The following SLC47A1 variants were observed in gnomAD, a reference collection of about 807,000 sequenced individuals.
SLC47A1 encodes multidrug and toxin extrusion protein 1.
SLC47A1 carries 58 observed loss-of-function variants against 65.8 expected under a neutral mutation model. The observed-to-expected ratio is 0.88, with a 90% CI of 0.71 to 1.10. The LOEUF is 1.10. Ranked by LOEUF, SLC47A1 falls within the 50% of genes least tolerant of loss-of-function variation. The pLI, the probability that SLC47A1 is intolerant of heterozygous loss-of-function variation, is 0.00. For missense variants in SLC47A1, 706 were observed against 719.2 expected (o/e 0.98, Z 0.21); for synonymous variants, 285 against 295.0 (o/e 0.97, Z 0.35).
chr17:19,571,705 T>C, intron 15 of SLC47A1, 133 bp downstream of exon 15: 1 of 671,932 alleles, frequency 1.5e-6, no homozygotes, highest in South Asian at 2.1e-5. Flanking sequence ...ACTATTGTTC[T>C]TGTTGTTTTA....
intron 1 of SLC47A1, 76 bp downstream of exon 1, chr17:19,534,150 T>C: frequency 2.8e-6 from 4 of 1,409,646 alleles, no homozygotes; most frequent in Non-Finnish European, 3.7e-6. Flanking sequence ...CGCGGGTGAC[T>C]TTGGCGGGCT....
At chr17:19,541,260 C>T (rs559762188) in intron 1 of SLC47A1, among the ~76,000 whole-genome samples, 3 of 152,314 alleles carry the variant, frequency 2.0e-5, no homozygotes, top group East Asian at 1.9e-4. Context: ...GGGGCAGATG[C>T]AGGCAGCGGC....
chr17:19,572,744 A>G (rs1168870846), intron 15 of SLC47A1, 36 bp from the exon 16 acceptor site: 3 of 1,595,692 alleles, frequency 1.9e-6, no homozygotes, highest in African/African-American at 1.3e-5. Flanking sequence ...TATTAACACT[A>G]TTGTGAAGCC....
chr17:19,570,236 A>G (rs1050179009), intron 14 of SLC47A1, among the ~76,000 whole-genome samples: 39 of 152,378 alleles, frequency 2.6e-4, no homozygotes, highest in African/African-American at 9.1e-4. Context: ...TAGCCACCTT[A>G]ACCCTTACAT....
At chr17:19,549,387 C>T (rs561020687) in intron 4 of SLC47A1, among the ~76,000 whole-genome samples, 9 of 152,026 alleles carry the variant, frequency 5.9e-5, no homozygotes, top group Admixed American at 1.3e-4. Context: ...TTAGTAGAGA[C>T]GGGGTTTTAC....
At chr17:19,568,126 G>A (rs565028333) in intron 14 of SLC47A1, 14 of 152,326 alleles carry the variant, frequency 9.2e-5, no homozygotes, top group South Asian at 2.1e-4. Flanking sequence ...GACTTAAAGC[G>A]TGGCTTGTTT....
chr17:19,537,578 C>T (rs1916024893), intron 1 of SLC47A1, among the ~76,000 whole-genome samples: 1 of 152,230 alleles, frequency 6.6e-6, no homozygotes, highest in Admixed American at 6.5e-5. Context: ...GCCTCTACTC[C>T]CCGTTCCCTC....
At position 19,546,509 on chromosome 17, in the gene SLC47A1, T is replaced by G; in HGVS notation, c.306+6T>G. The G allele has an allele frequency of 1.9e-6, 3 of 1,613,318 alleles. No individual in the cohort carries two copies. The highest frequency in any genetic ancestry group is 2.5e-6 in the Non-Finnish European group (3 of 1,179,708). On this transcript the variant is annotated splice_donor_region_variant and intron_variant, in intron 3 of 16. Coordinates refer to ENST00000270570, the MANE Select transcript of SLC47A1 (RefSeq NM_018242.3). ...GTGACACCCTCATCTCCCAGGTAAA[T>G]GGAAGTGGTCACACGCTCACAGTGA...
intron 14 of SLC47A1, among the ~76,000 whole-genome samples, chr17:19,568,703 T>A (rs1457989533): frequency 6.6e-6 from 1 of 152,130 alleles, no homozygotes; most frequent in African/African-American, 2.4e-5. Context: ...AAATGTGCAG[T>A]ACATTGACTA....
intron 5 of SLC47A1, among the ~76,000 whole-genome samples, chr17:19,550,897 C>T (rs964913817): frequency 7.2e-5 from 11 of 152,092 alleles, no homozygotes; most frequent in Admixed American, 1.3e-4. Context: ...TGGATTAGGG[C>T]CCCACCCTAA....
intron 2 of SLC47A1, among the ~76,000 whole-genome samples, chr17:19,544,877 T>C (rs182759051): frequency 1.3e-5 from 2 of 152,312 alleles, no homozygotes; most frequent in East Asian, 3.9e-4. Context: ...CAAGATCTTG[T>C]AACCGTAATA....
At chr17:19,574,081 C>T (rs1200293806) in intron 16 of SLC47A1, among the ~76,000 whole-genome samples, 4 of 152,068 alleles carry the variant, frequency 2.6e-5, no homozygotes, top group Non-Finnish European at 4.4e-5. Flanking sequence ...CACCACCATA[C>T]CTGGCTAATT....
At chr17:19,559,246 G>A (rs1352404223) in intron 10 of SLC47A1, among the ~76,000 whole-genome samples, 1 of 152,182 alleles carries the variant, frequency 6.6e-6, no homozygotes, top group Admixed American at 6.5e-5. Flanking sequence ...GCTGGGATTT[G>A]AGCCCAAGCA....
chr17:19,573,744 G>A (rs1293294553), intron 16 of SLC47A1, among the ~76,000 whole-genome samples: 2 of 151,766 alleles, frequency 1.3e-5, no homozygotes, highest in African/African-American at 4.8e-5. Context: ...AGTAACTTGA[G>A]CCTGAAAGAA....
At chr17:19,563,028 G>C (rs1597506961) in intron 12 of SLC47A1, among the ~76,000 whole-genome samples, 1 of 150,638 alleles carries the variant, frequency 6.6e-6, no homozygotes, top group East Asian at 2.0e-4. Flanking sequence ...TAAAAATGTG[G>C]AATAAACAGA....
At chr17:19,545,281 G>A (rs1028930311) in intron 2 of SLC47A1, among the ~76,000 whole-genome samples, 4 of 151,846 alleles carry the variant, frequency 2.6e-5, no homozygotes, top group Non-Finnish European at 5.9e-5. Context: ...TGCAACTTCC[G>A]CTTCCCGGGT....
At chr17:19,556,924 G>A (rs1916633293) in intron 10 of SLC47A1, among the ~76,000 whole-genome samples, 1 of 152,162 alleles carries the variant, frequency 6.6e-6, no homozygotes, top group South Asian at 2.1e-4. Flanking sequence ...TGTGTCTGCG[G>A]GTAAATGAAA....
Position 19,560,263 on chromosome 17 carries a change from C to T in SLC47A1, c.997C>T (p.Arg333Trp), listed in dbSNP as rs375236013. Residue 333 changes from arginine (R) to tryptophan (W), a missense_variant, in exon 11 of 17, where the codon CGG (arginine) becomes TGG (tryptophan). By Grantham distance (101) the Arg-to-Trp change is moderately radical. Transcript: ENST00000270570. Reference sequence around the variant, plus strand: ...GGGTGCTGGAGACATGGAGCAGGCACGGAAGTCCTCTACCGTTTCCCTGCT... The same window carrying T: ...GGGTGCTGGAGACATGGAGCAGGCATGGAAGTCCTCTACCGTTTCCCTGCT... Reference protein sequence around the residue: ...ALGAGDMEQARKSSTVSLLIT... With the variant: ...ALGAGDMEQAWKSSTVSLLIT... 4.5e-5 allele frequency: 73 copies of T among 1,613,738 alleles called. No homozygotes were observed. The Middle Eastern group carries it at 1.2e-3, about 26-fold the overall frequency.
chr17:19,575,190 C>T (rs1345021522), intron 16 of SLC47A1, among the ~76,000 whole-genome samples: 1 of 151,316 alleles, frequency 6.6e-6, no homozygotes, highest in African/African-American at 2.4e-5. Flanking sequence ...CCTGTCTCAG[C>T]CTTCCAAAGT....
Sources: allele counts gnomAD v4.1 joint callset (sites outside exome capture counted in the v4.1 genomes callset), GRCh38; gene constraint gnomAD v4.1.1; transcripts MANE v1.5; gene names NCBI Gene and HGNC (gene_info 2026-07-23, HGNC 2026-07-21).